WDR87: variants seen among roughly 807,000 people sequenced by gnomAD.
The protein encoded by WDR87 is WD repeat domain 87.
In WDR87, 56 loss-of-function variants were observed where a neutral mutation model predicts 83.3. The ratio of observed to expected loss-of-function variants is 0.67; its 90% CI spans 0.54 to 0.84. The LOEUF (loss-of-function observed/expected upper bound fraction) is 0.84. WDR87 is among the 40% of genes least tolerant of loss of function. The pLI is 0.00. For synonymous variants in WDR87, 1,173 were observed against 1,250.6 expected (o/e 0.94, Z 1.31); for missense variants, 2,939 against 3,431.9 (o/e 0.86, Z 3.59).
At position 37,898,298 on chromosome 19, in the gene WDR87, A is replaced by G; in HGVS notation, c.-46-13T>C. The stretch of plus-strand genomic sequence containing the variant: ...GTTGCTTAAAAACCTGTGGGAATCC[A>G]AAAGAGCCCAGCTTAGTCACTGCCA... On this transcript the variant is annotated splice_polypyrimidine_tract_variant and intron_variant, in intron 1 of 5. Coordinates refer to ENST00000447313, the MANE Select transcript of WDR87 (RefSeq NM_001291088.2). 6.5e-7 allele frequency: 1 copy of G among 1,534,192 alleles called. No homozygotes were observed. Among genetic ancestry groups the G allele is most frequent in the African/African-American group, 1.4e-5 (1 of 72,340 alleles).
In WDR87 at chr19:37,885,744, GA is replaced by G; in HGVS notation, c.7926del (p.Pro2643LeufsTer2). The stretch of plus-strand genomic sequence containing the variant: ...CTCTCCTTTTCCTTTGCTTTTATAG[GA>G]GGAATCACTTTCAGGTATTTTGGAC... ...SMSPKYLKVI[P>X]PIKAKEKESW... On this transcript the variant is annotated frameshift_variant, in exon 6 of 6. Transcript: ENST00000447313. LOFTEE classifies it low-confidence loss of function (END_TRUNC). 1 of 1,551,710 alleles carries G rather than the reference GA, an allele frequency of 6.4e-7. No individual in the cohort carries two copies. The highest frequency in any genetic ancestry group is 8.7e-7 in the Non-Finnish European group (1 of 1,147,004).
Position 37,892,867 on chromosome 19 carries a change from G to T in WDR87, c.2836C>A (p.Gln946Lys). ...KYQCCVGALG[Q>K]IFASYQVSPA... Reference sequence around the variant, plus strand: ...GACACCTGGTAAGAGGCAAAGATTTGCCCTAGTGCACCAACACAGCACTGG... The same window carrying T: ...GACACCTGGTAAGAGGCAAAGATTTTCCCTAGTGCACCAACACAGCACTGG... The change falls in exon 4 of 6, where the codon CAA becomes AAA. Residue 946 changes from glutamine to lysine, a missense_variant. This residue lies in a region of WDR87 where 2,160 missense variants were observed against 2,533.1 expected (regional missense o/e 0.85). Coordinates refer to ENST00000447313, the MANE Select transcript of WDR87 (RefSeq NM_001291088.2). The T allele has an allele frequency of 6.4e-7, 1 of 1,551,916 alleles. No individual in the cohort carries two copies. Among genetic ancestry groups the T allele is most frequent in the Non-Finnish European group, 8.7e-7 (1 of 1,147,032 alleles).
At position 37,894,923 on chromosome 19, in the gene WDR87, GT is replaced by G; in HGVS notation, c.779del (p.Asn260ThrfsTer27). On this transcript the variant is annotated frameshift_variant, in exon 4 of 6. Coordinates refer to ENST00000447313, the MANE Select transcript of WDR87 (RefSeq NM_001291088.2). LOFTEE classifies it high-confidence loss of function. The part of the protein sequence containing the change: ...CFDQGFLYAG[N>X]QAGEIQVWSL... ...TCCAAACTTGGATTTCCCCAGCTTG[GT>G]TTCCAGCATAGAGAAAGCCCTGATC... 1 of 1,551,734 alleles carries G rather than the reference GT, an allele frequency of 6.4e-7. No individual in the cohort carries two copies. Among genetic ancestry groups the G allele is most frequent in the Non-Finnish European group, 8.7e-7 (1 of 1,147,004 alleles).
At position 37,894,794 on chromosome 19, in the gene WDR87, A is replaced by C; in HGVS notation, c.909T>G (p.Ser303Arg). The C allele has an allele frequency of 6.4e-7, 1 of 1,551,710 alleles. No individual in the cohort carries two copies. Among genetic ancestry groups the C allele is most frequent in the South Asian group, 1.2e-5 (1 of 84,066 alleles). ...PEAHTLLTAG[S>R]DSLIKEWNLT... The stretch of plus-strand genomic sequence containing the variant: ...GGTTCCACTCCTTGATTAGGCTGTC[A>C]CTACCAGCTGTTAGCAGGGTGTGGG... The change falls in exon 4 of 6, where the codon AGT (serine) becomes AGG (arginine). Residue 303 changes from serine (S) to arginine (R), a missense_variant. By Grantham distance (110) the Ser-to-Arg change is moderately radical. This residue lies in a region of WDR87 where 553 missense variants were observed against 577.9 expected (regional missense o/e 0.96). Transcript: ENST00000447313.
chr19:37,903,982 C>T (rs545436222), intron 1 of WDR87, among the ~76,000 whole-genome samples: 1 of 152,232 alleles, frequency 6.6e-6, no homozygotes, highest in South Asian at 2.1e-4. Flanking sequence ...CATCTCCGCT[C>T]ACTACAAGCT....
At chr19:37,901,152 G>A (rs1032805316) in intron 1 of WDR87, among the ~76,000 whole-genome samples, 1 of 150,544 alleles carries the variant, frequency 6.6e-6, no homozygotes, top group Non-Finnish European at 1.5e-5. Flanking sequence ...AAAAAAAAAG[G>A]CCAGGTGCGG....
chr19:37,891,593 C>G lies in WDR87; in HGVS notation c.3353G>C (p.Ser1118Thr). The change falls in exon 5 of 6, where the codon AGC (serine) becomes ACC (threonine). Residue 1118 changes from serine (S) to threonine (T), a missense_variant. By Grantham distance (58) the Ser-to-Thr change is moderately conservative. Around this residue, in one of 3 missense-constraint regions of WDR87, gnomAD observed 2,160 missense variants for 2,533.1 expected, o/e 0.85. Coordinates refer to ENST00000447313, the MANE Select transcript of WDR87 (RefSeq NM_001291088.2). ...SEESEVAIKP[S>T]KGQRRGQAGV... ...TGCTTGGCCTCGTCTTTGGCCTTTG[C>G]TGGGCTTGATGGCCACTTCAGATTC... 1 of 1,552,176 alleles carries G rather than the reference C, an allele frequency of 6.4e-7. No individual in the cohort carries two copies. The highest frequency in any genetic ancestry group is 8.7e-7 in the Non-Finnish European group (1 of 1,147,092).
chr19:37,888,411 C>G lies in WDR87; in HGVS notation c.5260G>C (p.Ala1754Pro). ...QNLDWQEKEL[A>P]QELEELEWDM... ...CATTCCAGTTCCTCCAATTCCTGGG[C>G]CAGCTCCTTTTCTTGCCAGTCCAGA... The change falls in exon 6 of 6, where the codon GCC becomes CCC. Residue 1754 changes from alanine to proline, a missense_variant. Coordinates refer to ENST00000447313, the MANE Select transcript of WDR87 (RefSeq NM_001291088.2). The G allele has an allele frequency of 6.4e-7, 1 of 1,552,200 alleles. No individual in the cohort carries two copies. The highest frequency in any genetic ancestry group is 1.2e-5 in the South Asian group (1 of 84,060).
In WDR87 at chr19:37,887,640, C is replaced by T; in HGVS notation, c.6031G>A (p.Glu2011Lys). The T allele has an allele frequency of 6.4e-7, 1 of 1,552,176 alleles. No homozygotes were observed. The highest frequency in any genetic ancestry group is 1.7e-4 in the Middle Eastern group (1 of 5,998). The part of the protein sequence containing the change: ...ALNLEMKRLA[E>K]EKMRLVEGKE... ...CCCTCAACCAGTCTCATCTTCTCCT[C>T]AGCCAGTCTTTTCATTTCCAGGTTC... Residue 2011 changes from glutamate to lysine, a missense_variant, in exon 6 of 6, where the codon GAG becomes AAG. Physicochemically the swap from Glu to Lys is moderately conservative, Grantham distance 56 (BLOSUM62 1). Around this residue, in one of 3 missense-constraint regions of WDR87, gnomAD observed 2,160 missense variants for 2,533.1 expected, o/e 0.85. Coordinates refer to ENST00000447313, the MANE Select transcript of WDR87 (RefSeq NM_001291088.2).
chr19:37,901,917 A>G (rs2046295921), intron 1 of WDR87, among the ~76,000 whole-genome samples: 2 of 151,878 alleles, frequency 1.3e-5, no homozygotes, highest in African/African-American at 4.8e-5. Flanking sequence ...GGGTCTCCCT[A>G]TGTTGCTTAG....
chr19:37,886,436 A>C lies in WDR87; in HGVS notation c.7235T>G (p.Val2412Gly). 6.5e-7 allele frequency: 1 copy of C among 1,528,004 alleles called. No individual in the cohort carries two copies. Among genetic ancestry groups the C allele is most frequent in the South Asian group, 1.3e-5 (1 of 78,712 alleles). 94.7% of individuals were successfully genotyped at this position (1,528,004 alleles called of 1,614,324 possible). A position where few individuals can be genotyped will look rare whatever the true frequency, so the allele number is the denominator to read the frequency against. ...RERVLSILRG[V>G]PHGKGRAIRL... ...TATAGCCCTGCCTTTGCCATGAGGA[A>C]CTCCTCTTAAAATGGAAAGGACTCT... Residue 2412 changes from valine (V) to glycine (G), a missense_variant, in exon 6 of 6, where the codon GTT (valine) becomes GGT (glycine). Around this residue, in one of 3 missense-constraint regions of WDR87, gnomAD observed 2,160 missense variants for 2,533.1 expected, o/e 0.85. Transcript: ENST00000447313.
chr19:37,892,927 G>A lies in WDR87; in HGVS notation c.2776C>T (p.Leu926Phe). The change falls in exon 4 of 6, where the codon CTC becomes TTC. Residue 926 changes from leucine (L) to phenylalanine (F), a missense_variant. Physicochemically the swap from Leu to Phe is conservative, Grantham distance 22. Around this residue, in one of 3 missense-constraint regions of WDR87, gnomAD observed 2,160 missense variants for 2,533.1 expected, o/e 0.85. Transcript: ENST00000447313. ...AAGGAAGCATGGACCATAATATTGA[G>A]CATTGTCTCAATCATGCTATTAATG... ...ITINSMIETM[L>F]NIMVHASLLK... The A allele has an allele frequency of 6.4e-7, 1 of 1,552,054 alleles. No homozygotes were observed. Among genetic ancestry groups the A allele is most frequent in the Non-Finnish European group, 8.7e-7 (1 of 1,147,086 alleles).
Position 37,886,149 on chromosome 19 carries a change from G to A in WDR87, c.7522C>T (p.His2508Tyr), listed in dbSNP as rs1451563875. ...GCTTCCACGGTCCTCCTTAATATGT[G>A]GGACATAAATGGGGTCTTTAAGTCC... ...AQDLKTPFMSHILRRTVEAEE... is the reference protein window; with the variant it reads ...AQDLKTPFMSYILRRTVEAEE... Residue 2508 changes from histidine (H) to tyrosine (Y), a missense_variant, in exon 6 of 6, where the codon CAC (histidine) becomes TAC (tyrosine). By Grantham distance (83) the His-to-Tyr change is moderately conservative (BLOSUM62 2). Around this residue, in one of 3 missense-constraint regions of WDR87, gnomAD observed 2,160 missense variants for 2,533.1 expected, o/e 0.85. Transcript: ENST00000447313. The A allele has an allele frequency of 1.3e-6, 2 of 1,551,664 alleles. No homozygotes were observed. The highest frequency in any genetic ancestry group is 1.7e-6 in the Non-Finnish European group (2 of 1,146,998).
chr19:37,900,413 T>G (rs992156794), intron 1 of WDR87, among the ~76,000 whole-genome samples: 1 of 151,268 alleles, frequency 6.6e-6, no homozygotes, highest in African/African-American at 2.4e-5. Flanking sequence ...ATACAAAAAT[T>G]AGCCGGGCAC....
chr19:37,905,447 T>C (rs897566289), intron 1 of WDR87, among the ~76,000 whole-genome samples: 1 of 130,678 alleles, frequency 7.7e-6, no homozygotes, highest in African/African-American at 3.5e-5. Flanking sequence ...CTGGGCAACA[T>C]AGCAAGAAAA....
In WDR87 at chr19:37,886,612, A is replaced by G. The variant is rs1209861944; in HGVS notation, c.7059T>C (p.Ser2353=). The G allele has an allele frequency of 1.9e-5, 29 of 1,530,248 alleles. No individual in the cohort carries two copies. Among genetic ancestry groups the G allele is most frequent in the Non-Finnish European group, 2.5e-5 (29 of 1,138,518 alleles). The allele number at this position is 1,530,248 out of a possible 1,614,324, so 94.8% of individuals were successfully genotyped here. Residue 2353 remains serine (S), a synonymous_variant, in exon 6 of 6, where the codon AGT becomes AGC. Coordinates refer to ENST00000447313, the MANE Select transcript of WDR87 (RefSeq NM_001291088.2). The part of the protein sequence containing the change: ...EVFEEKEEIM[S]EEETESLSDE... ...CACTCAAACTTTCTGTCTCTTCCTC[A>G]CTCATAATTTCTTCTTTCTCCTCAA...
intron 1 of WDR87, among the ~76,000 whole-genome samples, chr19:37,905,069 T>C (rs1186409886): frequency 6.6e-6 from 1 of 151,738 alleles, no homozygotes; most frequent in Non-Finnish European, 1.5e-5. Context: ...CAGTCTCTAC[T>C]AAAAATACAA....
chr19:37,891,503 C>A, intron 5 of WDR87, 49 bp downstream of exon 5: 1 of 1,540,764 alleles, frequency 6.5e-7, no homozygotes, highest in South Asian at 1.2e-5. Context: ...CCCTAACTAC[C>A]CTGCCTCTTG....
Position 37,894,311 on chromosome 19 carries a change from A to G in WDR87, c.1392T>C (p.Tyr464=). 3.2e-6 allele frequency: 5 copies of G among 1,551,772 alleles called. No homozygotes were observed. Among genetic ancestry groups the G allele is most frequent in the Non-Finnish European group, 4.4e-6 (5 of 1,147,008 alleles). ...GACCCCGCCCCAAGTTGAAATGCCC[A>G]TAAGCCAGGCATTGTACAAAGTCCT... The part of the protein sequence containing the change: ...NSQDFVQCLA[Y]GHFNLGRGLE... Residue 464 remains tyrosine (Y), a synonymous_variant, in exon 4 of 6, where the codon TAT becomes TAC. Coordinates refer to ENST00000447313, the MANE Select transcript of WDR87 (RefSeq NM_001291088.2).
Sources: gnomAD v4.1 joint callset for allele counts (sites outside exome capture counted in the v4.1 genomes callset) on GRCh38, gnomAD v4.1.1 for gene constraint, gnomAD v4.1.1 regional missense constraint, MANE v1.5 for transcripts, NCBI Gene and HGNC (gene_info 2026-07-23, HGNC 2026-07-21) for gene names.